Variants in COG5 observed in about 807,000 individuals in gnomAD.
The protein encoded by COG5 is conserved oligomeric Golgi complex subunit 5.
Under a neutral mutation model 110.4 loss-of-function variants are expected in COG5, and 86 were observed. That is an observed-to-expected ratio of 0.78 (90% CI 0.65 to 0.93). The LOEUF is 0.93. Ranked by LOEUF, COG5 falls within the 40% of genes least tolerant of loss-of-function variation. The pLI is 0.00. For missense variants in COG5, 1,077 were observed against 987.0 expected (o/e 1.09, Z -1.22); for synonymous variants, 360 against 334.6 (o/e 1.08, Z -0.83).
intron 6 of COG5, among the ~76,000 whole-genome samples, chr7:107,423,529 G>T (rs1793436828): frequency 6.6e-6 from 1 of 152,072 alleles, no homozygotes; most frequent in Non-Finnish European, 1.5e-5. Flanking sequence ...TCTATACAAT[G>T]AGAGAGGGAA....
intron 13 of COG5, among the ~76,000 whole-genome samples, chr7:107,281,880 C>CTTT (rs1265971064): frequency 6.6e-6 from 1 of 151,792 alleles, no homozygotes; most frequent in Non-Finnish European, 1.5e-5. Flanking sequence ...AATAGAGTAG[C>CTTT]TTTTTAAATA....
intron 10 of COG5, among the ~76,000 whole-genome samples, chr7:107,342,692 A>C (rs1421554927): frequency 6.6e-6 from 1 of 151,910 alleles, no homozygotes; most frequent in South Asian, 2.1e-4. Flanking sequence ...ACAAAAAACC[A>C]AACAAAAAAA....
intron 14 of COG5, among the ~76,000 whole-genome samples, chr7:107,275,422 C>T (rs1019559718): frequency 1.3e-5 from 2 of 151,654 alleles, no homozygotes; most frequent in African/African-American, 4.8e-5. Flanking sequence ...AATATAAAAA[C>T]TCTTCCAAGT....
intron 10 of COG5, among the ~76,000 whole-genome samples, chr7:107,338,033 G>T (rs1810852731): frequency 6.6e-6 from 1 of 151,950 alleles, no homozygotes; most frequent in Non-Finnish European, 1.5e-5. Context: ...CTGAACAATG[G>T]GCTGCCATCA....
intron 3 of COG5, 73 bp from the exon 4 acceptor site, chr7:107,548,405 AG>A: frequency 7.4e-7 from 1 of 1,345,778 alleles, no homozygotes; most frequent in Non-Finnish European, 1.1e-6. Flanking sequence ...TTAAATTAAA[AG>A]AAAATACATG....
intron 8 of COG5, among the ~76,000 whole-genome samples, chr7:107,368,449 G>A (rs1266678870): frequency 3.9e-5 from 6 of 152,130 alleles, no homozygotes; most frequent in African/African-American, 1.4e-4. Context: ...ATATGAGAGA[G>A]AGAGGGGCTG....
chr7:107,412,617 C>A lies in COG5; in HGVS notation c.554G>T (p.Gly185Val). 6.5e-7 allele frequency: 1 copy of A among 1,543,320 alleles called. No individual in the cohort carries two copies. The highest frequency in any genetic ancestry group is 8.9e-7 in the Non-Finnish European group (1 of 1,117,778). ...SLNELDYLSQ[G>V]IDLSGIEVIE... Reference sequence around the variant, plus strand: ...CACTTCTATTCCAGAAAGATCTATTCCTTGAGAAAGATAATCTGTTTAAAA... The same window carrying A: ...CACTTCTATTCCAGAAAGATCTATTACTTGAGAAAGATAATCTGTTTAAAA... The change falls in exon 7 of 22, where the codon GGA becomes GTA. Residue 185 changes from glycine to valine, a missense_variant. Transcript: ENST00000297135.
intron 6 of COG5, among the ~76,000 whole-genome samples, chr7:107,510,276 C>T (rs1381821306): frequency 6.6e-6 from 1 of 151,842 alleles, no homozygotes; most frequent in Non-Finnish European, 1.5e-5. Flanking sequence ...GACTTTAAAC[C>T]AACAAAGATC....
intron 6 of COG5, among the ~76,000 whole-genome samples, chr7:107,458,717 G>C (rs1795810919): frequency 6.6e-6 from 1 of 152,050 alleles, no homozygotes; most frequent in African/African-American, 2.4e-5. Flanking sequence ...AAATTAGCCA[G>C]GTGTGGTGGT....
At chr7:107,350,844 T>TGG (rs796854511) in intron 10 of COG5, among the ~76,000 whole-genome samples, 13 of 152,306 alleles carry the variant, frequency 8.5e-5, no homozygotes, top group African/African-American at 3.1e-4. Context: ...ATCACTGATG[T>TGG]GGGTATTTGA....
intron 10 of COG5, among the ~76,000 whole-genome samples, chr7:107,347,263 C>T (rs973335922): frequency 2.0e-5 from 3 of 152,034 alleles, no homozygotes; most frequent in African/African-American, 4.8e-5. Flanking sequence ...GGGTTGTGTT[C>T]GTGTCCAGGA....
intron 14 of COG5, among the ~76,000 whole-genome samples, chr7:107,272,675 T>C (rs1439026282): frequency 2.6e-5 from 4 of 152,192 alleles, no homozygotes; most frequent in African/African-American, 9.7e-5. Context: ...CCCATTCCCA[T>C]TGCTAGATTA....
At chr7:107,522,504 G>T (rs1800410790) in intron 6 of COG5, among the ~76,000 whole-genome samples, 1 of 152,026 alleles carries the variant, frequency 6.6e-6, no homozygotes, top group African/African-American at 2.4e-5. Flanking sequence ...TAGATGACAG[G>T]TTGATAGATG....
chr7:107,228,059 G>A (rs1392965610), intron 19 of COG5, among the ~76,000 whole-genome samples: 7 of 152,106 alleles, frequency 4.6e-5, no homozygotes, highest in Non-Finnish European at 1.5e-5. Context: ...CAGCAGTCTG[G>A]GGGGCTGAGG....
intron 14 of COG5, among the ~76,000 whole-genome samples, chr7:107,264,389 G>A (rs1016813301): frequency 1.3e-5 from 2 of 151,394 alleles, no homozygotes; most frequent in African/African-American, 4.9e-5. Flanking sequence ...GAAATATATT[G>A]TAAAAAAATT....
At chr7:107,215,652 G>A (rs1006625862) in intron 19 of COG5, among the ~76,000 whole-genome samples, 3 of 151,984 alleles carry the variant, frequency 2.0e-5, no homozygotes, top group African/African-American at 4.8e-5. Flanking sequence ...GTGACAGAGT[G>A]AGACTCCGTC....
At chr7:107,498,117 T>A (rs1798393570) in intron 6 of COG5, among the ~76,000 whole-genome samples, 1 of 152,158 alleles carries the variant, frequency 6.6e-6, no homozygotes. Flanking sequence ...TCTTACACCA[T>A]ACACAAAAAT....
intron 19 of COG5, among the ~76,000 whole-genome samples, chr7:107,225,832 C>T (rs1800293563): frequency 4.6e-5 from 7 of 152,122 alleles, no homozygotes; most frequent in Admixed American, 4.6e-4. Flanking sequence ...CACCTGAGGT[C>T]AGGAGTTTGA....
intron 5 of COG5, among the ~76,000 whole-genome samples, chr7:107,543,909 A>T (rs758563563): frequency 6.6e-6 from 1 of 152,050 alleles, no homozygotes; most frequent in Non-Finnish European, 1.5e-5. Flanking sequence ...GTCCAGGCTC[A>T]TCACAGCAGA....
Sources: gnomAD v4.1 joint callset for allele counts (sites outside exome capture counted in the v4.1 genomes callset) on GRCh38, gnomAD v4.1.1 for gene constraint, MANE v1.5 for transcripts, NCBI Gene and HGNC (gene_info 2026-07-23, HGNC 2026-07-21) for gene names.